COL8A1: variants seen among roughly 807,000 people sequenced by gnomAD.
COL8A1 encodes collagen alpha-1(VIII) chain.
COL8A1 carries 21 observed loss-of-function variants against 42.7 expected under a neutral mutation model. That is an observed-to-expected ratio of 0.49 (90% CI 0.35 to 0.71). COL8A1 has a LOEUF of 0.71. COL8A1 is among the 30% of genes least tolerant of loss of function. The pLI, the probability that COL8A1 is intolerant of heterozygous loss-of-function variation, is 0.01. For missense variants in COL8A1, 788 were observed against 962.4 expected (o/e 0.82, Z 2.40); for synonymous variants, 367 against 369.1 (o/e 0.99, Z 0.06).
intron 1 of COL8A1, among the ~76,000 whole-genome samples, chr3:99,688,752 G>A (rs1336557164): frequency 6.6e-6 from 1 of 152,102 alleles, no homozygotes; most frequent in Non-Finnish European, 1.5e-5. Flanking sequence ...TGCCCAGTGA[G>A]CCCGTGTGAT....
At chr3:99,702,839 A>C (rs1263402655) in intron 1 of COL8A1, among the ~76,000 whole-genome samples, 1 of 152,220 alleles carries the variant, frequency 6.6e-6, no homozygotes, top group Admixed American at 6.5e-5. Flanking sequence ...AGGAAGCTGA[A>C]GAAAACGTGT....
chr3:99,729,873 A>G (rs899808826), intron 1 of COL8A1, among the ~76,000 whole-genome samples: 6 of 152,194 alleles, frequency 3.9e-5, no homozygotes, highest in African/African-American at 1.2e-4. Flanking sequence ...GCCTCACCCA[A>G]TTGTCTTTTT....
At chr3:99,728,122 G>C (rs185693754) in intron 1 of COL8A1, among the ~76,000 whole-genome samples, 31 of 152,126 alleles carry the variant, frequency 2.0e-4, no homozygotes, top group Admixed American at 2.0e-3. Context: ...ATTCAACGTA[G>C]TGTTGGAAGT....
At chr3:99,655,104 G>A (rs1307326261) in intron 1 of COL8A1, among the ~76,000 whole-genome samples, 1 of 152,102 alleles carries the variant, frequency 6.6e-6, no homozygotes, top group East Asian at 1.9e-4. Flanking sequence ...AAATGCACGG[G>A]GAATGTGAAA....
chr3:99,736,488 A>T (rs1940719694), intron 1 of COL8A1, among the ~76,000 whole-genome samples: 1 of 152,058 alleles, frequency 6.6e-6, no homozygotes, highest in South Asian at 2.1e-4. Flanking sequence ...TTCGTTATGT[A>T]CCCAGTAGTC....
At chr3:99,773,837 A>ATATTATATATATATATATATATATATATT (rs1200212756) in intron 2 of COL8A1, among the ~76,000 whole-genome samples, 2 of 45,396 alleles carry the variant, frequency 4.4e-5, no homozygotes, top group Admixed American at 2.7e-4. Context: ...ATATATATAT[A>ATATTATATATATATATATATATATATATT]TTTTTTTTTT....
chr3:99,753,832 T>C (rs937609241), intron 2 of COL8A1, among the ~76,000 whole-genome samples: 1 of 152,168 alleles, frequency 6.6e-6, no homozygotes, highest in Non-Finnish European at 1.5e-5. Flanking sequence ...ACCCATGAGA[T>C]AATACAAATT....
chr3:99,793,914 G>A (rs1318955147), intron 3 of COL8A1, among the ~76,000 whole-genome samples: 2 of 152,038 alleles, frequency 1.3e-5, no homozygotes, highest in Non-Finnish European at 2.9e-5. Flanking sequence ...ACCACACCCG[G>A]CTAATTTTTG....
At chr3:99,696,464 C>G (rs949664962) in intron 1 of COL8A1, among the ~76,000 whole-genome samples, 1 of 152,158 alleles carries the variant, frequency 6.6e-6, no homozygotes. Context: ...GATATTTTCA[C>G]CTAGAGCAAC....
At chr3:99,704,390 C>A (rs1206490419) in intron 1 of COL8A1, among the ~76,000 whole-genome samples, 2 of 151,508 alleles carry the variant, frequency 1.3e-5, no homozygotes, top group Non-Finnish European at 1.5e-5. Flanking sequence ...GTCAGAAGGA[C>A]AAGGCTTATA....
At chr3:99,654,144 G>A (rs886231677) in intron 1 of COL8A1, among the ~76,000 whole-genome samples, 2 of 152,166 alleles carry the variant, frequency 1.3e-5, no homozygotes, top group Middle Eastern at 3.2e-3. Flanking sequence ...CAACACAGGA[G>A]AAAAATGAAG....
intron 1 of COL8A1, among the ~76,000 whole-genome samples, chr3:99,722,936 T>A (rs1047286306): frequency 6.6e-6 from 1 of 152,058 alleles, no homozygotes; most frequent in African/African-American, 2.4e-5. Context: ...AAATTACTTA[T>A]GGAAACACAA....
At chr3:99,653,835 T>C (rs1451688675) in intron 1 of COL8A1, among the ~76,000 whole-genome samples, 1 of 151,872 alleles carries the variant, frequency 6.6e-6, no homozygotes, top group Non-Finnish European at 1.5e-5. Context: ...CCAGAGTCCT[T>C]GTATTAGTCA....
At chr3:99,734,465 T>A (rs1266925224) in intron 1 of COL8A1, among the ~76,000 whole-genome samples, 1 of 150,774 alleles carries the variant, frequency 6.6e-6, no homozygotes, top group African/African-American at 2.5e-5. Context: ...GTTGTAGATA[T>A]GTGGTATTAT....
chr3:99,698,683 G>T (rs896950934), intron 1 of COL8A1, among the ~76,000 whole-genome samples: 1 of 152,150 alleles, frequency 6.6e-6, no homozygotes, highest in Non-Finnish European at 1.5e-5. Flanking sequence ...TAGCCCCCAG[G>T]CTCCATCACA....
At chr3:99,663,546 A>G (rs1938272625) in intron 1 of COL8A1, among the ~76,000 whole-genome samples, 1 of 151,272 alleles carries the variant, frequency 6.6e-6, no homozygotes, top group Non-Finnish European at 1.5e-5. Context: ...CGCTGTGGTA[A>G]GCTCTATAAA....
chr3:99,766,295 A>T lies in COL8A1; in HGVS notation c.-4+21274A>T, dbSNP rs928637282. On this transcript the variant is annotated intron_variant, in intron 2 of 3. Coordinates refer to ENST00000652472, the MANE Select transcript of COL8A1 (RefSeq NM_020351.4). ...GATCAGTGACAAAGCCAGGATCCAA[A>T]TCCAGGTGGCTAGGACCCTGCAGCC... is the stretch of plus-strand genomic sequence containing the variant. Among the ~76,000 whole-genome samples, 17 of 152,142 alleles carry T rather than the reference A, an allele frequency of 1.1e-4. No homozygotes were observed. In the East Asian group the frequency reaches 3.1e-3, roughly 28 times the overall value.
intron 2 of COL8A1, among the ~76,000 whole-genome samples, chr3:99,760,996 C>G (rs1170955956): frequency 3.9e-5 from 6 of 152,002 alleles, no homozygotes; most frequent in Admixed American, 2.0e-4. Flanking sequence ...AAAATAGGAG[C>G]CAGATGAATT....
At chr3:99,721,741 G>A (rs1015728229) in intron 1 of COL8A1, among the ~76,000 whole-genome samples, 11 of 152,078 alleles carry the variant, frequency 7.2e-5, no homozygotes, top group Non-Finnish European at 1.5e-4. Context: ...ACATTTTCAA[G>A]TCAAGCAGAA....
Sources: allele counts gnomAD v4.1 joint callset (sites outside exome capture counted in the v4.1 genomes callset), GRCh38; gene constraint gnomAD v4.1.1; transcripts MANE v1.5; gene names NCBI Gene and HGNC (gene_info 2026-07-23, HGNC 2026-07-21).